Variants in CEP112 observed in about 807,000 individuals in gnomAD.
CEP112 encodes the protein centrosomal protein 112, also known as centrosomal protein of 112 kDa.
A neutral mutation model predicts 153.0 loss-of-function variants in CEP112; 127 were observed. The observed-to-expected ratio is 0.83, with a 90% CI of 0.72 to 0.96. CEP112 has a LOEUF of 0.96. CEP112 is among the 40% of genes least tolerant of loss of function. The probability of loss-of-function intolerance (pLI) is 0.00; values close to 1 mark genes in which losing one functional copy is unlikely to be tolerated. For missense variants in CEP112, 1,089 were observed against 1,101.2 expected, an observed-to-expected ratio of 0.99 and a Z score of 0.16; for synonymous variants, 358 against 374.4, an observed-to-expected ratio of 0.96 and a Z score of 0.51.
intron 23 of CEP112, among the ~76,000 whole-genome samples, chr17:65,695,015 A>G (rs2048289434): frequency 6.6e-6 from 1 of 152,228 alleles, no homozygotes; most frequent in South Asian, 2.1e-4. Flanking sequence ...TGGCATCATT[A>G]CTGAAAAGAC....
chr17:66,072,136 A>G (rs2067327892), intron 8 of CEP112, among the ~76,000 whole-genome samples: 1 of 152,090 alleles, frequency 6.6e-6, no homozygotes, highest in Non-Finnish European at 1.5e-5. Flanking sequence ...ACCTCTCTAT[A>G]TATATAAATG....
chr17:65,772,575 T>TACACACACACAC (rs34758953), intron 21 of CEP112, among the ~76,000 whole-genome samples: 1 of 133,412 alleles, frequency 7.5e-6, no homozygotes, highest in Non-Finnish European at 1.5e-5. Flanking sequence ...CTCTATTTAT[T>TACACACACACAC]ACACACACAC....
At chr17:65,739,934 CCAAA>C (rs1437831476) in intron 23 of CEP112, among the ~76,000 whole-genome samples, 3 of 152,008 alleles carry the variant, frequency 2.0e-5, no homozygotes, top group Non-Finnish European at 4.4e-5. Flanking sequence ...TCCCTTTTTA[CCAAA>C]CAATTTTTAT....
At chr17:65,711,895 C>T (rs973646473) in intron 23 of CEP112, among the ~76,000 whole-genome samples, 1 of 152,212 alleles carries the variant, frequency 6.6e-6, no homozygotes, top group Non-Finnish European at 1.5e-5. Flanking sequence ...ACATAACTCC[C>T]CCGACACTTT....
At position 65,738,670 on chromosome 17, in the gene CEP112, T is replaced by C. The variant is rs16962719; in HGVS notation, c.2607+4398A>G. The stretch of plus-strand genomic sequence containing the variant: ...TTTAAATTATTTATAAATGAGCATA[T>C]GACATTTCTACTACTTCAAAAACAA... On this transcript the variant is annotated intron_variant, in intron 23 of 26. Transcript: ENST00000535342. Among the ~76,000 whole-genome samples, 968 of 152,316 alleles carry C rather than the reference T, an allele frequency of 6.4e-3. 8 individuals carry two copies. The highest frequency in any genetic ancestry group is 0.022 in the African/African-American group (912 of 41,558).
intron 25 of CEP112, 115 bp from the exon 26 acceptor site, chr17:65,637,303 G>A: frequency 1.4e-6 from 1 of 739,180 alleles, no homozygotes; most frequent in South Asian, 1.6e-5. Flanking sequence ...AAAACTCAGA[G>A]GATTTGTTGA....
At chr17:66,104,830 T>C (rs1415209097) in intron 6 of CEP112, among the ~76,000 whole-genome samples, 1 of 152,010 alleles carries the variant, frequency 6.6e-6, no homozygotes, top group Non-Finnish European at 1.5e-5. Flanking sequence ...CCAGCAAAAA[T>C]AACCTTGAGG....
intron 16 of CEP112, among the ~76,000 whole-genome samples, chr17:66,018,834 T>C (rs2064879351): frequency 1.3e-5 from 2 of 152,200 alleles, no homozygotes; most frequent in South Asian, 2.1e-4. Flanking sequence ...TTTTAGAACG[T>C]AGGTGCTTAA....
At chr17:66,090,311 A>T (rs1247246671) in intron 8 of CEP112, among the ~76,000 whole-genome samples, 1 of 152,018 alleles carries the variant, frequency 6.6e-6, no homozygotes, top group Admixed American at 6.5e-5. Flanking sequence ...ATGTTGTGGA[A>T]ATGACTTATA....
At position 66,175,009 on chromosome 17, in the gene CEP112, T is replaced by C. The variant is rs1192024208; in HGVS notation, c.470+35A>G. On this transcript the variant is annotated intron_variant, in intron 4 of 26. Coordinates refer to ENST00000535342, the MANE Select transcript of CEP112 (RefSeq NM_001199165.4). ...TCAGTTCCAAAGACAGACTAAATGA[T>C]GAAACACATTCAAAATCCCATTCTC... 5 of 1,409,948 alleles carry C rather than the reference T, an allele frequency of 3.5e-6. No individual in the cohort carries two copies. The East Asian group carries it at 1.3e-4, about 36-fold the overall frequency. 87.3% of individuals were successfully genotyped at this position (1,409,948 alleles called of 1,614,324 possible). A position where few individuals can be genotyped will look rare whatever the true frequency, so the allele number is the denominator to read the frequency against.
chr17:66,094,796 C>A, intron 8 of CEP112, among the ~76,000 whole-genome samples: 1 of 152,032 alleles, frequency 6.6e-6, no homozygotes, highest in East Asian at 1.9e-4. Flanking sequence ...TCAAACAACT[C>A]AATGGTAAGA....
intron 20 of CEP112, among the ~76,000 whole-genome samples, chr17:65,883,008 G>A (rs2059141320): frequency 6.6e-6 from 1 of 152,102 alleles, no homozygotes; most frequent in South Asian, 2.1e-4. Context: ...GCATATGTTT[G>A]CTGAGGTCAC....
chr17:65,971,222 A>G (rs1038993948), intron 17 of CEP112, among the ~76,000 whole-genome samples: 2 of 152,220 alleles, frequency 1.3e-5, no homozygotes, highest in Non-Finnish European at 2.9e-5. Flanking sequence ...TATCACATGT[A>G]TATTACATAC....
chr17:65,793,097 G>A lies in CEP112; in HGVS notation c.2395-42373C>T, dbSNP rs548919130. The stretch of plus-strand genomic sequence containing the variant: ...CACAATAAACATATAGACCAATAAC[G>A]GAGTAACAGAGGGATGCATGAAATA... On this transcript the variant is annotated intron_variant, in intron 21 of 26. Transcript: ENST00000535342. 1.7e-4 allele frequency among the ~76,000 whole-genome samples: 26 copies of A among 152,204 alleles called. No homozygotes were observed. In the East Asian group the frequency reaches 4.4e-3, roughly 26 times the overall value.
rs747973003 is a variant in CEP112, at chr17:65,644,057, G to C, written c.2698-2992C>G. On this transcript the variant is annotated intron_variant, in intron 24 of 26. Coordinates refer to ENST00000535342, the MANE Select transcript of CEP112 (RefSeq NM_001199165.4). The stretch of plus-strand genomic sequence containing the variant: ...TGGTCTGCCTCTTGGTGTCAATGAT[G>C]GTGACATTGAAGGTGACTCCCTTGA... Among the ~76,000 whole-genome samples the C allele has an allele frequency of 5.1e-4, 78 of 152,104 alleles. 2 individuals are homozygous for C. The highest frequency in any genetic ancestry group is 3.5e-4 in the Non-Finnish European group (24 of 68,014).
At chr17:66,045,652 T>G (rs2066172033) in intron 12 of CEP112, among the ~76,000 whole-genome samples, 1 of 152,172 alleles carries the variant, frequency 6.6e-6, no homozygotes, top group Non-Finnish European at 1.5e-5. Context: ...ATAGTAAAAA[T>G]GAAACTTTTG....
chr17:66,049,360 AT>A (rs1294306118), intron 12 of CEP112, among the ~76,000 whole-genome samples: 1 of 152,246 alleles, frequency 6.6e-6, no homozygotes, highest in Non-Finnish European at 1.5e-5. Context: ...CTATATTATC[AT>A]TCATAATACA....
At chr17:65,881,316 G>A (rs1028983189) in intron 20 of CEP112, among the ~76,000 whole-genome samples, 4 of 151,912 alleles carry the variant, frequency 2.6e-5, no homozygotes, top group African/African-American at 4.8e-5. Context: ...TTTTATAGCT[G>A]ATGAATTTTT....
intron 8 of CEP112, among the ~76,000 whole-genome samples, chr17:66,085,229 C>A (rs2067874734): frequency 1.3e-5 from 2 of 152,062 alleles, no homozygotes; most frequent in Non-Finnish European, 2.9e-5. Flanking sequence ...TTACACAATA[C>A]AAATCAAAGG....
Sources: allele counts gnomAD v4.1 joint callset (sites outside exome capture counted in the v4.1 genomes callset), GRCh38; gene constraint gnomAD v4.1.1; transcripts MANE v1.5; gene names NCBI Gene and HGNC (gene_info 2026-07-23, HGNC 2026-07-21).